The following CDK14 variants were observed in gnomAD, a reference collection of about 807,000 sequenced individuals.
CDK14 encodes the protein cyclin-dependent kinase 14.
In CDK14, 34 loss-of-function variants were observed where a neutral mutation model predicts 60.7. That is an observed-to-expected ratio of 0.56 (90% CI 0.43 to 0.75). The LOEUF (loss-of-function observed/expected upper bound fraction) is 0.75, where lower values mean the gene tolerates loss of function less well. Among genes scored for constraint, CDK14 ranks in the 30% least tolerant of loss-of-function variants. The pLI is 0.00. For missense variants in CDK14, 482 were observed against 564.1 expected (o/e 0.85, Z 1.47); for synonymous variants, 197 against 203.7 (o/e 0.97, Z 0.28).
intron 6 of CDK14, among the ~76,000 whole-genome samples, chr7:90,884,520 T>G (rs781185012): frequency 8.3e-4 from 126 of 152,328 alleles, no homozygotes; most frequent in Non-Finnish European, 1.7e-3. Context: ...CAAAGTAATT[T>G]ATAGATTCAA....
At chr7:90,644,594 A>G (rs1256058810) in intron 2 of CDK14, among the ~76,000 whole-genome samples, 2 of 152,214 alleles carry the variant, frequency 1.3e-5, no homozygotes, top group African/African-American at 4.8e-5. Context: ...GGAAACTCAC[A>G]TCCTCTTCTT....
Position 90,984,162 on chromosome 7 carries a change from T to C in CDK14, c.962T>C (p.Ile321Thr), listed in dbSNP as rs1795315572. The change falls in exon 10 of 15, where the codon ATC becomes ACC. Residue 321 changes from isoleucine to threonine, a missense_variant. By Grantham distance (89) the Ile-to-Thr change is moderately conservative (BLOSUM62 -1). Coordinates refer to ENST00000380050, the MANE Select transcript of CDK14 (RefSeq NM_001287135.2). ...TCTCTCTCTAGGGGAGTAGGTTGCA[T>C]CTTTGTTGAAATGATCCAAGGAGTT... The part of the protein sequence containing the change: ...TCLDMWGVGC[I>T]FVEMIQGVAA... The C allele has an allele frequency of 1.2e-6, 2 of 1,609,392 alleles. No individual in the cohort carries two copies. The highest frequency in any genetic ancestry group is 1.7e-6 in the Non-Finnish European group (2 of 1,175,744).
intron 3 of CDK14, among the ~76,000 whole-genome samples, chr7:90,732,911 A>G (rs1175402957): frequency 2.0e-5 from 3 of 149,678 alleles, no homozygotes; most frequent in Non-Finnish European, 4.5e-5. Flanking sequence ...TTCCTTCTCT[A>G]GTTCTTTTAA....
chr7:90,621,527 G>C (rs1436971419), intron 2 of CDK14, among the ~76,000 whole-genome samples: 1 of 152,158 alleles, frequency 6.6e-6, no homozygotes, highest in Non-Finnish European at 1.5e-5. Context: ...CACCTAGTAG[G>C]TGCTGAATAA....
intron 5 of CDK14, among the ~76,000 whole-genome samples, chr7:90,800,781 G>A (rs1170978866): frequency 1.3e-5 from 2 of 152,184 alleles, no homozygotes; most frequent in African/African-American, 4.8e-5. Context: ...GTGCTGGAGA[G>A]TAGAAGTCCA....
At chr7:90,640,003 T>A (rs1584761021) in intron 2 of CDK14, among the ~76,000 whole-genome samples, 1 of 152,068 alleles carries the variant, frequency 6.6e-6, no homozygotes, top group South Asian at 2.1e-4. Flanking sequence ...AGAGGCCTGA[T>A]TTTCCACGTG....
At chr7:90,963,127 T>C (rs934393666) in intron 9 of CDK14, among the ~76,000 whole-genome samples, 1 of 78,882 alleles carries the variant, frequency 1.3e-5, no homozygotes, top group Non-Finnish European at 2.6e-5. Flanking sequence ...GTGTGTGTTT[T>C]AATTTAGAAA....
intron 5 of CDK14, among the ~76,000 whole-genome samples, chr7:90,804,046 A>G (rs186507003): frequency 1.3e-5 from 2 of 152,322 alleles, no homozygotes; most frequent in Admixed American, 1.3e-4. Flanking sequence ...TTTGTATTCT[A>G]TTATATGGCC....
intron 8 of CDK14, among the ~76,000 whole-genome samples, chr7:90,937,031 A>G (rs1355969003): frequency 6.6e-6 from 1 of 152,144 alleles, no homozygotes; most frequent in Non-Finnish European, 1.5e-5. Flanking sequence ...GTGAGGTATG[A>G]TCATACCACA....
intron 2 of CDK14, among the ~76,000 whole-genome samples, chr7:90,708,364 G>A (rs1801947060): frequency 6.6e-6 from 1 of 152,114 alleles, no homozygotes; most frequent in Non-Finnish European, 1.5e-5. Flanking sequence ...TCACAAAAAA[G>A]TCAGGTTCTT....
chr7:91,027,711 G>C (rs774604653), intron 10 of CDK14, among the ~76,000 whole-genome samples: 5 of 149,214 alleles, frequency 3.4e-5, no homozygotes, highest in Non-Finnish European at 7.4e-5. Flanking sequence ...TGGTTACATG[G>C]ATAAATTGTA....
intron 10 of CDK14, among the ~76,000 whole-genome samples, chr7:91,016,632 G>A (rs1403111315): frequency 6.6e-6 from 1 of 152,176 alleles, no homozygotes; most frequent in Non-Finnish European, 1.5e-5. Context: ...CAGGTCTTAA[G>A]CAGAATTGTA....
At chr7:90,623,121 TG>T (rs1354208854) in intron 2 of CDK14, among the ~76,000 whole-genome samples, 1 of 151,928 alleles carries the variant, frequency 6.6e-6, no homozygotes, top group Non-Finnish European at 1.5e-5. Context: ...TTAAAATTTT[TG>T]TTGTCTTTGT....
chr7:91,206,131 C>A (rs1562994341), intron 14 of CDK14, among the ~76,000 whole-genome samples: 1 of 152,182 alleles, frequency 6.6e-6, no homozygotes, highest in Non-Finnish European at 1.5e-5. Flanking sequence ...AGTGGAATTT[C>A]TGCTATCTGG....
intron 8 of CDK14, among the ~76,000 whole-genome samples, chr7:90,928,924 G>A (rs568786368): frequency 5.9e-5 from 9 of 152,252 alleles, no homozygotes; most frequent in African/African-American, 1.4e-4. Context: ...CAGCAATGGC[G>A]ACGCCCCTCC....
chr7:90,863,455 A>C (rs1269525202), intron 6 of CDK14, among the ~76,000 whole-genome samples, 186 bp downstream of exon 6: 1 of 152,190 alleles, frequency 6.6e-6, no homozygotes, highest in Non-Finnish European at 1.5e-5. Flanking sequence ...GTATCTTAAA[A>C]GAAAAACCCA....
intron 7 of CDK14, among the ~76,000 whole-genome samples, chr7:90,904,652 A>G (rs1007589319): frequency 6.6e-6 from 1 of 152,082 alleles, no homozygotes; most frequent in African/African-American, 2.4e-5. Flanking sequence ...CTGAGGAAAA[A>G]AGGAGGGAAT....
chr7:90,979,201 T>G (rs3779572), intron 9 of CDK14, among the ~76,000 whole-genome samples: 10,705 of 152,222 alleles, frequency 0.07, 450 homozygotes, highest in East Asian at 0.18. Context: ...TCACCAAATA[T>G]TCTTCTTTCG....
chr7:91,147,274 T>A lies in CDK14; in HGVS notation c.*28+29066T>A, dbSNP rs565918086. ...AGATGTGTCCTGCAAGATTTGCCTT[T>A]TTTTTTCTTTTTTGAGTGTACTCTC... is the stretch of plus-strand genomic sequence containing the variant. On this transcript the variant is annotated intron_variant, in intron 14 of 14. Transcript: ENST00000380050. Among the ~76,000 whole-genome samples the A allele has an allele frequency of 1.4e-4, 22 of 152,224 alleles. No homozygotes were observed. The East Asian group carries it at 4.1e-3, about 28-fold the overall frequency.
Sources: gnomAD v4.1 joint callset for allele counts (sites outside exome capture counted in the v4.1 genomes callset) on GRCh38, gnomAD v4.1.1 for gene constraint, MANE v1.5 for transcripts, NCBI Gene and HGNC (gene_info 2026-07-23, HGNC 2026-07-21) for gene names.